The following PLCB4 variants were observed in gnomAD, a reference collection of about 807,000 sequenced individuals.
PLCB4 encodes the protein 1-phosphatidylinositol 4,5-bisphosphate phosphodiesterase beta-4.
A neutral mutation model predicts 178.8 loss-of-function variants in PLCB4; 77 were observed. That is an observed-to-expected ratio of 0.43 (90% CI 0.36 to 0.52). The LOEUF (loss-of-function observed/expected upper bound fraction) is 0.52, where lower values mean the gene tolerates loss of function less well. PLCB4 is among the 20% of genes least tolerant of loss of function. The pLI is 0.00. For missense variants in PLCB4, 1,024 were observed against 1,453.4 expected, an observed-to-expected ratio of 0.70 and a Z score of 4.80; for synonymous variants, 496 against 490.8, an observed-to-expected ratio of 1.01 and a Z score of -0.14.
rs1033952065 is a variant in PLCB4, at chr20:9,148,971, G to A, written c.-79+52629G>A. Among the ~76,000 whole-genome samples the A allele has an allele frequency of 6.6e-5, 10 of 152,156 alleles. No homozygotes were observed. The East Asian group carries it at 9.7e-4, about 15-fold the overall frequency. On this transcript the variant is annotated intron_variant, in intron 2 of 39. Transcript: ENST00000378473. ...TTGCTTGGGTTTCTGGAGTATGTGG[G>A]CCACTTGGCTTTAGACAGATCTGCT...
chr20:9,406,726 AC>A (rs1487235121), intron 21 of PLCB4, among the ~76,000 whole-genome samples: 5 of 151,950 alleles, frequency 3.3e-5, no homozygotes, highest in African/African-American at 1.2e-4. Context: ...CGATCTCCTG[AC>A]CTCATGATCC....
chr20:9,178,456 A>G (rs2093190963), intron 2 of PLCB4, among the ~76,000 whole-genome samples: 1 of 152,090 alleles, frequency 6.6e-6, no homozygotes, highest in Admixed American at 6.5e-5. Context: ...TTATGTGAAG[A>G]AAAATGAAAA....
chr20:9,434,916 G>C (rs2041670236), intron 28 of PLCB4, among the ~76,000 whole-genome samples: 1 of 152,094 alleles, frequency 6.6e-6, no homozygotes, highest in African/African-American at 2.4e-5. Context: ...AGTAAATTGT[G>C]CACGATTATA....
intron 3 of PLCB4, among the ~76,000 whole-genome samples, chr20:9,224,507 TGAGA>T (rs1217587302): frequency 6.6e-6 from 1 of 152,114 alleles, no homozygotes; most frequent in Non-Finnish European, 1.5e-5. Flanking sequence ...GTGGAGCAAT[TGAGA>T]GAGAGGAGAG....
chr20:9,076,280 A>T (rs2146489089), intron 1 of PLCB4, among the ~76,000 whole-genome samples: 1 of 152,258 alleles, frequency 6.6e-6, no homozygotes, highest in East Asian at 1.9e-4. Flanking sequence ...TAGCCTGGCC[A>T]ACATGGCAAA....
intron 4 of PLCB4, among the ~76,000 whole-genome samples, chr20:9,317,815 T>C (rs994556528): frequency 3.3e-5 from 5 of 152,122 alleles, no homozygotes; most frequent in African/African-American, 1.2e-4. Flanking sequence ...AAGAAAGAGT[T>C]TGGGCAGGCG....
intron 2 of PLCB4, among the ~76,000 whole-genome samples, chr20:9,206,505 C>G (rs1013444402): frequency 2.6e-5 from 4 of 151,882 alleles, no homozygotes; most frequent in Non-Finnish European, 5.9e-5. Flanking sequence ...AAACTTTTTT[C>G]TTTTTCAACT....
chr20:9,334,132 T>C (rs757791099), intron 4 of PLCB4, among the ~76,000 whole-genome samples: 3 of 152,116 alleles, frequency 2.0e-5, no homozygotes, highest in Non-Finnish European at 4.4e-5. Context: ...CTGAGGACTA[T>C]GTAAAAGTTG....
At chr20:9,096,651 G>C (rs906231502) in intron 2 of PLCB4, among the ~76,000 whole-genome samples, 1 of 152,178 alleles carries the variant, frequency 6.6e-6, no homozygotes, top group Non-Finnish European at 1.5e-5. Context: ...TTGATGAAAT[G>C]TGTTCCTGTC....
intron 4 of PLCB4, 106 bp from the exon 5 acceptor site, chr20:9,337,020 T>C (rs2032561061): frequency 1.3e-6 from 1 of 750,882 alleles, no homozygotes; most frequent in Non-Finnish European, 2.4e-6. Context: ...GGATATTACA[T>C]ACAAAAGAGT....
At chr20:9,338,630 A>C (rs2032801101) in intron 6 of PLCB4, among the ~76,000 whole-genome samples, 1 of 152,078 alleles carries the variant, frequency 6.6e-6, no homozygotes, top group Non-Finnish European at 1.5e-5. Context: ...TGAGCTGAGA[A>C]TGCACCACTG....
rs139486765 is a variant in PLCB4, at chr20:9,419,653, G to A, written c.2052-154G>A. On this transcript the variant is annotated intron_variant, in intron 25 of 39. Coordinates refer to ENST00000378473, the MANE Select transcript of PLCB4 (RefSeq NM_001377142.1). The stretch of plus-strand genomic sequence containing the variant: ...CAGCTCTTTAAGGTTGTGCATAAGG[G>A]CGGGCACATTCTCTTCCATCCTTAG... Among the ~76,000 whole-genome samples the A allele has an allele frequency of 3.5e-3, 532 of 152,294 alleles. 2 individuals are homozygous for A. Among genetic ancestry groups the A allele is most frequent in the African/African-American group, 0.012 (495 of 41,554 alleles).
intron 4 of PLCB4, among the ~76,000 whole-genome samples, chr20:9,325,067 C>A (rs1206532987): frequency 1.3e-5 from 2 of 152,104 alleles, no homozygotes; most frequent in African/African-American, 2.4e-5. Flanking sequence ...TTTTTAATTA[C>A]TTGCTCAGTG....
chr20:9,108,794 A>C lies in PLCB4; in HGVS notation c.-79+12452A>C, dbSNP rs533607258. Among the ~76,000 whole-genome samples, 23 of 152,084 alleles carry C rather than the reference A, an allele frequency of 1.5e-4. 1 individual carries two copies. The Middle Eastern group carries it at 0.014, about 90-fold the overall frequency. On this transcript the variant is annotated intron_variant, in intron 2 of 39. Coordinates refer to ENST00000378473, the MANE Select transcript of PLCB4 (RefSeq NM_001377142.1). ...AATATAAGCTGGTTGATCCAGGTGC[A>C]GCTGCCCAAACTTGGAATAACATGG... is the stretch of plus-strand genomic sequence containing the variant.
intron 25 of PLCB4, among the ~76,000 whole-genome samples, chr20:9,416,227 A>G (rs933401622): frequency 1.3e-5 from 2 of 151,816 alleles, no homozygotes; most frequent in African/African-American, 4.8e-5. Flanking sequence ...GAAAGGGGGG[A>G]TGTGGAAGAA....
intron 2 of PLCB4, among the ~76,000 whole-genome samples, chr20:9,141,355 C>G (rs13039478): frequency 0.12 from 18,225 of 152,084 alleles, 1,332 homozygotes; most frequent in South Asian, 0.26. Context: ...ATAACCCTAA[C>G]CAAAACTTTT....
chr20:9,432,258 G>A (rs2041472329), intron 28 of PLCB4, among the ~76,000 whole-genome samples: 1 of 152,012 alleles, frequency 6.6e-6, no homozygotes, highest in Admixed American at 6.5e-5. Context: ...TTAATATCTT[G>A]CTTTATTGAT....
At chr20:9,120,944 G>A (rs988358426) in intron 2 of PLCB4, among the ~76,000 whole-genome samples, 3 of 152,060 alleles carry the variant, frequency 2.0e-5, no homozygotes, top group Admixed American at 6.6e-5. Context: ...CACATGTGTT[G>A]TTGTGCCATC....
At chr20:9,370,978 A>G in intron 9 of PLCB4, 1 of 433,610 alleles carries the variant, frequency 2.3e-6, no homozygotes, top group Non-Finnish European at 4.1e-6. Context: ...CCCAAGCACC[A>G]GGGGGACCCC....
Sources: gnomAD v4.1 joint callset for allele counts (sites outside exome capture counted in the v4.1 genomes callset) on GRCh38, gnomAD v4.1.1 for gene constraint, MANE v1.5 for transcripts, NCBI Gene and HGNC (gene_info 2026-07-23, HGNC 2026-07-21) for gene names.